The following SPINK8 variants were observed in gnomAD, a reference collection of about 807,000 sequenced individuals.
SPINK8 encodes serine protease inhibitor Kazal-type 8.
SPINK8 carries 12 observed loss-of-function variants against 14.4 expected under a neutral mutation model. The observed-to-expected ratio is 0.83, with a 90% CI of 0.53 to 1.35. SPINK8 has a LOEUF of 1.35. SPINK8 is among the 40% of genes most tolerant of loss of function. The pLI is 0.00. For missense variants in SPINK8, 103 were observed against 117.0 expected, an observed-to-expected ratio of 0.88 and a Z score of 0.55; for synonymous variants, 32 against 37.6, an observed-to-expected ratio of 0.85 and a Z score of 0.55.
intron 6 of SPINK8, among the ~76,000 whole-genome samples, chr3:48,317,780 T>A (rs1169502067): frequency 6.6e-6 from 1 of 152,150 alleles, no homozygotes; most frequent in Admixed American, 6.5e-5. Flanking sequence ...AGAACTTTGC[T>A]CTGTTGCCCA....
In SPINK8 at chr3:48,306,954, T is replaced by C; in HGVS notation, c.*38A>G. 6.2e-7 allele frequency: 1 copy of C among 1,610,256 alleles called. No homozygotes were observed. ...AACCATTGTGTTTCACTTGGCAATC[T>C]GGAGATTCAGTAGGTTTTATAATTC... On this transcript the variant is annotated 3_prime_UTR_variant, in exon 8 of 8. Coordinates refer to ENST00000434006, the MANE Select transcript of SPINK8 (RefSeq NM_001080525.3).
At chr3:48,324,552 C>A (rs1453816094) in intron 4 of SPINK8, among the ~76,000 whole-genome samples, 1 of 152,128 alleles carries the variant, frequency 6.6e-6, no homozygotes, top group African/African-American at 2.4e-5. Flanking sequence ...CTCCCACTCA[C>A]CCCCTTTGTG....
chr3:48,328,211 T>G, intron 4 of SPINK8, 64 bp downstream of exon 4: 1 of 1,364,700 alleles, frequency 7.3e-7, no homozygotes, highest in Non-Finnish European at 1.0e-6. Context: ...CTTCCATCTC[T>G]AATCTTCCCA....
At chr3:48,328,133 T>C in intron 4 of SPINK8, 142 bp downstream of exon 4, 1 of 656,190 alleles carries the variant, frequency 1.5e-6, no homozygotes, top group Non-Finnish European at 2.4e-6. Flanking sequence ...GAATCCTTTC[T>C]CTGGGTTTTA....
intron 4 of SPINK8, among the ~76,000 whole-genome samples, chr3:48,326,631 G>A (rs1285839752): frequency 4.0e-5 from 6 of 151,668 alleles, no homozygotes; most frequent in South Asian, 2.1e-4. Flanking sequence ...AGGTGTGGCC[G>A]GGTGAGGTGG....
intron 6 of SPINK8, among the ~76,000 whole-genome samples, chr3:48,311,513 G>T (rs2035924655): frequency 6.6e-6 from 1 of 152,118 alleles, no homozygotes; most frequent in Admixed American, 6.5e-5. Context: ...ATATAAAAAT[G>T]ACTAAAGCTA....
intron 4 of SPINK8, among the ~76,000 whole-genome samples, chr3:48,325,183 A>G (rs1432567208): frequency 6.6e-6 from 1 of 152,016 alleles, no homozygotes; most frequent in Non-Finnish European, 1.5e-5. Context: ...TTTTGAATCT[A>G]AGGAGTATCT....
At chr3:48,329,083 C>G (rs914677937) in intron 3 of SPINK8, among the ~76,000 whole-genome samples, 70 bp downstream of exon 3, 1 of 152,122 alleles carries the variant, frequency 6.6e-6, no homozygotes, top group African/African-American at 2.4e-5. Context: ...CCAAGGCCTC[C>G]CCTGAGGAAA....
At chr3:48,318,383 C>A (rs1392759183) in intron 6 of SPINK8, among the ~76,000 whole-genome samples, 1 of 152,262 alleles carries the variant, frequency 6.6e-6, no homozygotes, top group South Asian at 2.1e-4. Context: ...TCAGGTGATC[C>A]GCCCACCTCG....
intron 2 of SPINK8, among the ~76,000 whole-genome samples, chr3:48,331,162 G>A (rs1030770373): frequency 2.0e-5 from 3 of 152,200 alleles, no homozygotes; most frequent in Non-Finnish European, 4.4e-5. Context: ...ATGGCCTGAA[G>A]TTCAGGGGCA....
chr3:48,332,237 C>T (rs1196577692), intron 2 of SPINK8, among the ~76,000 whole-genome samples, 129 bp downstream of exon 2: 2 of 152,184 alleles, frequency 1.3e-5, no homozygotes, highest in Admixed American at 6.5e-5. Context: ...CCCGTTTGTC[C>T]AGTTCTGCCT....
chr3:48,316,316 A>G (rs2035992366), intron 6 of SPINK8: 1 of 155,920 alleles, frequency 6.4e-6, no homozygotes, highest in Non-Finnish European at 1.5e-5. Context: ...ACAAAGGCAA[A>G]GAGAGAATCC....
In SPINK8 at chr3:48,319,536, A is replaced by G; in HGVS notation, c.200T>C (p.Val67Ala). 6.2e-7 allele frequency: 1 copy of G among 1,614,004 alleles called. No individual in the cohort carries two copies. Among genetic ancestry groups the G allele is most frequent in the Non-Finnish European group, 8.5e-7 (1 of 1,179,884 alleles). ...PSEPICGSDQ[V>A]TYSSDCHLCS... ...CAGATGGCAGTCACTACTGTAGGTA[A>G]CCTGGTCACTGCCACAAATAGGTTC... The change falls in exon 6 of 8, where the codon GTT (valine) becomes GCT (alanine). Residue 67 changes from valine (V) to alanine (A), a missense_variant. Val to Ala is a moderately conservative substitution (Grantham distance 64). Coordinates refer to ENST00000434006, the MANE Select transcript of SPINK8 (RefSeq NM_001080525.3).
At chr3:48,327,526 G>T (rs567599469) in intron 4 of SPINK8, among the ~76,000 whole-genome samples, 1 of 152,330 alleles carries the variant, frequency 6.6e-6, no homozygotes, top group South Asian at 2.1e-4. Context: ...AACACAGCAG[G>T]CTTGCAGGGA....
At chr3:48,315,720 C>CAA (rs66504818) in intron 6 of SPINK8, among the ~76,000 whole-genome samples, 1,442 of 21,582 alleles carry the variant, frequency 0.067, 122 homozygotes, top group East Asian at 0.13. Context: ...GACTCCATCT[C>CAA]AAAAAAAAAA....
chr3:48,320,717 A>T (rs2036061690), intron 5 of SPINK8, among the ~76,000 whole-genome samples: 1 of 152,036 alleles, frequency 6.6e-6, no homozygotes, highest in Admixed American at 6.6e-5. Context: ...CATGGTGGAA[A>T]CAGTATCCAC....
intron 4 of SPINK8, among the ~76,000 whole-genome samples, chr3:48,326,049 C>T (rs2036136727): frequency 6.6e-6 from 1 of 151,706 alleles, no homozygotes; most frequent in South Asian, 2.1e-4. Context: ...AAAAAGAGAA[C>T]CCTGCCTCTG....
At chr3:48,332,230 G>A (rs1457143340) in intron 2 of SPINK8, among the ~76,000 whole-genome samples, 136 bp downstream of exon 2, 1 of 152,080 alleles carries the variant, frequency 6.6e-6, no homozygotes, top group Admixed American at 6.6e-5. Context: ...TTTTTATCCC[G>A]TTTGTCCAGT....
rs186126134 is a variant in SPINK8 at position 48,319,861 on chromosome 3, C to T, written c.118-243G>A. The stretch of plus-strand genomic sequence containing the variant: ...AAATTCTTTATTAAGATAAAAATAC[C>T]GGCCGGGCGCGGTGGCTCATGCCTG... On this transcript the variant is annotated intron_variant, in intron 5 of 7. Transcript: ENST00000434006. Among the ~76,000 whole-genome samples, 689 of 152,142 alleles carry T rather than the reference C, an allele frequency of 4.5e-3. 3 individuals are homozygous for T. The highest frequency in any genetic ancestry group is 0.014 in the Middle Eastern group (4 of 294).
Sources: gnomAD v4.1 joint callset for allele counts (sites outside exome capture counted in the v4.1 genomes callset) on GRCh38, gnomAD v4.1.1 for gene constraint, MANE v1.5 for transcripts, NCBI Gene and HGNC (gene_info 2026-07-23, HGNC 2026-07-21) for gene names.